CPNE8: variants seen among roughly 807,000 people sequenced by gnomAD.
The protein encoded by CPNE8 is copine-8.
A neutral mutation model predicts 81.5 loss-of-function variants in CPNE8; 45 were observed. That is an observed-to-expected ratio of 0.55 (90% CI 0.44 to 0.71). CPNE8 has a LOEUF of 0.71. Ranked by LOEUF, CPNE8 falls within the 30% of genes least tolerant of loss-of-function variation. The pLI is 0.00. For synonymous variants in CPNE8, 252 were observed against 226.3 expected (o/e 1.11, Z -1.02); for missense variants, 594 against 672.1 (o/e 0.88, Z 1.28).
chr12:38,798,602 T>C (rs1271501803), intron 6 of CPNE8, among the ~76,000 whole-genome samples: 3 of 151,220 alleles, frequency 2.0e-5, no homozygotes, highest in East Asian at 1.9e-4. Flanking sequence ...ACATGCCAAA[T>C]TGTAAAGACC....
intron 4 of CPNE8, among the ~76,000 whole-genome samples, chr12:38,846,433 T>C (rs945229742): frequency 7.9e-5 from 12 of 152,144 alleles, no homozygotes; most frequent in Non-Finnish European, 2.9e-5. Context: ...TGATTGGCAC[T>C]ACAGAAGATT....
rs910768350 is a variant in CPNE8, at chr12:38,686,274, T to TA, written c.1144-658dup. ...TCAAGACAAGGCAAAAGGAAAGGAA[T>TA]AAAAAAAAAATCCAGGTCATTAAAG... On this transcript the variant is annotated intron_variant, in intron 15 of 19. Coordinates refer to ENST00000331366, the MANE Select transcript of CPNE8 (RefSeq NM_153634.3). 2.4e-4 allele frequency among the ~76,000 whole-genome samples: 35 copies of TA among 148,606 alleles called. No individual in the cohort carries two copies. The East Asian group carries it at 2.8e-3, about 12-fold the overall frequency.
chr12:38,760,972 T>A (rs1038031362), intron 9 of CPNE8, 84 bp from the exon 10 acceptor site: 7 of 1,088,798 alleles, frequency 6.4e-6, no homozygotes, highest in Non-Finnish European at 9.3e-6. Flanking sequence ...TAAGTTGTTT[T>A]TCTTAGATAA....
chr12:38,867,834 A>G (rs1265306957), intron 3 of CPNE8, among the ~76,000 whole-genome samples: 3 of 152,188 alleles, frequency 2.0e-5, no homozygotes, highest in African/African-American at 7.2e-5. Flanking sequence ...AAATAATTTT[A>G]GTTTTACAAC....
intron 3 of CPNE8, among the ~76,000 whole-genome samples, chr12:38,854,132 T>C (rs1357438383): frequency 6.6e-6 from 1 of 151,964 alleles, no homozygotes; most frequent in Non-Finnish European, 1.5e-5. Context: ...AATATTAAGA[T>C]AAATTTAATC....
At chr12:38,868,102 T>C (rs2137095752) in intron 3 of CPNE8, among the ~76,000 whole-genome samples, 1 of 152,266 alleles carries the variant, frequency 6.6e-6, no homozygotes, top group South Asian at 2.1e-4. Flanking sequence ...ATACATGCTT[T>C]TCCAAAATAT....
chr12:38,753,540 C>G (rs1348126312), intron 10 of CPNE8, among the ~76,000 whole-genome samples: 1 of 152,126 alleles, frequency 6.6e-6, no homozygotes, highest in East Asian at 1.9e-4. Context: ...AGTAACATAG[C>G]AAGAAGCTAC....
intron 1 of CPNE8, among the ~76,000 whole-genome samples, chr12:38,902,418 A>AG (rs5797597): frequency 0.12 from 7,173 of 60,058 alleles, 626 homozygotes; most frequent in Admixed American, 0.16. Context: ...AAAGAAAGAA[A>AG]AAGAAAGAAA....
chr12:38,823,960 G>A (rs1168346536), intron 6 of CPNE8, among the ~76,000 whole-genome samples: 1 of 152,132 alleles, frequency 6.6e-6, no homozygotes, highest in Non-Finnish European at 1.5e-5. Flanking sequence ...TGAGTCATAG[G>A]AAGCACAGTA....
At position 38,685,673 on chromosome 12, in the gene CPNE8, A is replaced by G. The variant is rs903027833; in HGVS notation, c.1144-56T>C. On this transcript the variant is annotated intron_variant, in intron 15 of 19. Coordinates refer to ENST00000331366, the MANE Select transcript of CPNE8 (RefSeq NM_153634.3). ...AACAACAGTAAAAAAGTAAATCTCCATGAAGATCAATTGAAAGAGATGAGA... is the reference window on the plus strand; with the variant it reads ...AACAACAGTAAAAAAGTAAATCTCCGTGAAGATCAATTGAAAGAGATGAGA... The G allele has an allele frequency of 6.5e-6, 10 of 1,546,762 alleles. No homozygotes were observed. The African/African-American group carries it at 1.2e-4, about 19-fold the overall frequency.
At chr12:38,781,151 T>C (rs1200727298) in intron 6 of CPNE8, among the ~76,000 whole-genome samples, 1 of 152,016 alleles carries the variant, frequency 6.6e-6, no homozygotes, top group Non-Finnish European at 1.5e-5. Flanking sequence ...ACTACAATTA[T>C]TTAAGTACTT....
rs1213023063 is a variant in CPNE8 at position 38,905,453 on chromosome 12, C to T, written c.82G>A (p.Val28Met). 3 of 1,567,930 alleles carry T rather than the reference C, an allele frequency of 1.9e-6. No individual in the cohort carries two copies. Residue 28 changes from valine (V) to methionine (M), a missense_variant, in exon 1 of 20, where the codon GTG becomes ATG. Physicochemically the swap from Val to Met is conservative, Grantham distance 21 (BLOSUM62 1). Transcript: ENST00000331366. ...CGTCCTCACCTGCAGGACACGGACACCTCCACCCGCGTGGCCGGGATGGCA... is the reference window on the plus strand; with the variant it reads ...CGTCCTCACCTGCAGGACACGGACATCTCCACCCGCGTGGCCGGGATGGCA... Reference protein sequence around the residue: ...SAAIPATRVEVSVSCRNLLDR... With the variant: ...SAAIPATRVEMSVSCRNLLDR...
intron 14 of CPNE8, among the ~76,000 whole-genome samples, chr12:38,697,268 C>T (rs2136679625): frequency 6.6e-6 from 1 of 152,280 alleles, no homozygotes; most frequent in East Asian, 1.9e-4. Context: ...AATCACATAA[C>T]ATGTGATCTT....
intron 13 of CPNE8, among the ~76,000 whole-genome samples, chr12:38,720,429 G>A (rs1217689357): frequency 6.6e-6 from 1 of 152,136 alleles, no homozygotes; most frequent in Admixed American, 6.5e-5. Flanking sequence ...AATATTGCTA[G>A]ATTTGCACCG....
intron 10 of CPNE8, among the ~76,000 whole-genome samples, chr12:38,739,789 G>A (rs1486348): frequency 0.81 from 122,289 of 151,726 alleles, 52,236 homozygotes; most frequent in Middle Eastern, 0.97. Context: ...AATATATACT[G>A]AAATTAATTT....
At chr12:38,840,086 C>A (rs1943444203) in intron 4 of CPNE8, 131 bp from the exon 5 acceptor site, 1 of 929,446 alleles carries the variant, frequency 1.1e-6, no homozygotes. Flanking sequence ...AAAAACTTAG[C>A]AAATTTTAAA....
intron 3 of CPNE8, among the ~76,000 whole-genome samples, chr12:38,859,734 T>C (rs950994899): frequency 6.6e-6 from 1 of 152,104 alleles, no homozygotes; most frequent in African/African-American, 2.4e-5. Flanking sequence ...CATGGATCAT[T>C]AGAATAGAAG....
intron 16 of CPNE8, among the ~76,000 whole-genome samples, chr12:38,683,797 T>C (rs565203017): frequency 1.6e-4 from 25 of 152,132 alleles, no homozygotes; most frequent in Non-Finnish European, 3.2e-4. Context: ...AATTATTAGA[T>C]CATAGTTTAT....
intron 6 of CPNE8, among the ~76,000 whole-genome samples, chr12:38,790,091 TA>T (rs1278395328): frequency 6.6e-6 from 1 of 151,734 alleles, no homozygotes; most frequent in Non-Finnish European, 1.5e-5. Flanking sequence ...ATCCTACTAC[TA>T]GGTATATCTA....
Sources: allele counts gnomAD v4.1 joint callset (sites outside exome capture counted in the v4.1 genomes callset), GRCh38; gene constraint gnomAD v4.1.1; transcripts MANE v1.5; gene names NCBI Gene and HGNC (gene_info 2026-07-23, HGNC 2026-07-21).